CCDC178: variants seen among roughly 807,000 people sequenced by gnomAD.
The protein encoded by CCDC178 is coiled-coil domain containing 178.
In CCDC178, 126 loss-of-function variants were observed where a neutral mutation model predicts 117.4. The ratio of observed to expected loss-of-function variants is 1.07; its 90% CI spans 0.93 to 1.24. CCDC178 has a LOEUF of 1.24. CCDC178 is among the 50% of genes most tolerant of loss of function. The pLI is 0.00. For missense variants in CCDC178, 1,030 were observed against 986.9 expected (o/e 1.04, Z -0.59); for synonymous variants, 283 against 313.4 (o/e 0.90, Z 1.02).
chr18:33,046,212 C>T (rs999794154), intron 21 of CCDC178, among the ~76,000 whole-genome samples: 1 of 152,108 alleles, frequency 6.6e-6, no homozygotes, highest in Non-Finnish European at 1.5e-5. Flanking sequence ...AATGAGTGAC[C>T]TGTTTTTATA....
At chr18:33,434,468 T>C (rs906599490) in intron 2 of CCDC178, among the ~76,000 whole-genome samples, 1 of 152,266 alleles carries the variant, frequency 6.6e-6, no homozygotes, top group African/African-American at 2.4e-5. Flanking sequence ...CTAAGTAATC[T>C]AAATTAGCTT....
intron 20 of CCDC178, among the ~76,000 whole-genome samples, chr18:33,130,038 C>G (rs1421171198): frequency 6.6e-6 from 1 of 151,790 alleles, no homozygotes; most frequent in South Asian, 2.1e-4. Context: ...GAAACAGATT[C>G]ATATTTAATG....
intron 9 of CCDC178, among the ~76,000 whole-genome samples, chr18:33,335,083 G>A (rs1281412398): frequency 1.3e-5 from 2 of 151,766 alleles, no homozygotes; most frequent in African/African-American, 4.8e-5. Flanking sequence ...TCTTTCTACT[G>A]AGCCAACTTC....
intron 21 of CCDC178, among the ~76,000 whole-genome samples, chr18:33,043,911 C>G (rs2144902302): frequency 6.6e-6 from 1 of 151,660 alleles, no homozygotes; most frequent in South Asian, 2.1e-4. Flanking sequence ...AATCATATGG[C>G]ACTAGATACT....
intron 2 of CCDC178, among the ~76,000 whole-genome samples, chr18:33,420,013 A>C (rs1431009764): frequency 6.6e-6 from 1 of 152,108 alleles, no homozygotes; most frequent in Admixed American, 6.5e-5. Flanking sequence ...TTGCAACACT[A>C]TGCACAATAG....
At chr18:33,146,341 T>C (rs111435895) in intron 20 of CCDC178, among the ~76,000 whole-genome samples, 16 of 152,286 alleles carry the variant, frequency 1.1e-4, no homozygotes, top group Admixed American at 2.0e-4. Flanking sequence ...GAGAGACAAA[T>C]CCTGTTAAAA....
chr18:33,205,386 A>T (rs1449035848), intron 20 of CCDC178, among the ~76,000 whole-genome samples: 1 of 152,156 alleles, frequency 6.6e-6, no homozygotes, highest in Non-Finnish European at 1.5e-5. Flanking sequence ...GAAAAGCAGG[A>T]GTTAATAGTA....
intron 14 of CCDC178, among the ~76,000 whole-genome samples, chr18:33,254,274 AC>A (rs1346474284): frequency 2.0e-5 from 3 of 151,320 alleles, no homozygotes; most frequent in African/African-American, 7.3e-5. Flanking sequence ...ACACACACAC[AC>A]ACACACACAC....
At chr18:33,088,396 T>G (rs1035086891) in intron 21 of CCDC178, among the ~76,000 whole-genome samples, 1 of 152,186 alleles carries the variant, frequency 6.6e-6, no homozygotes, top group Admixed American at 6.5e-5. Context: ...CTTAACAATA[T>G]TGAGTCTTCC....
chr18:33,255,267 A>T (rs529039412), intron 14 of CCDC178, among the ~76,000 whole-genome samples: 3 of 152,178 alleles, frequency 2.0e-5, no homozygotes, highest in Non-Finnish European at 2.9e-5. Flanking sequence ...ACCCAGCTTC[A>T]GGTATTCTGT....
chr18:33,098,440 C>A (rs148475446), intron 20 of CCDC178, among the ~76,000 whole-genome samples: 16 of 152,126 alleles, frequency 1.1e-4, no homozygotes, highest in Non-Finnish European at 2.2e-4. Context: ...ACTCTCCTGT[C>A]CTGATGTAAC....
At chr18:33,392,704 T>C (rs1421198675) in intron 4 of CCDC178, among the ~76,000 whole-genome samples, 1 of 151,928 alleles carries the variant, frequency 6.6e-6, no homozygotes, top group African/African-American at 2.4e-5. Flanking sequence ...ATTAAAAATA[T>C]AAAATTGGAA....
At chr18:33,068,360 CA>C (rs2144987695) in intron 21 of CCDC178, among the ~76,000 whole-genome samples, 1 of 152,174 alleles carries the variant, frequency 6.6e-6, no homozygotes, top group African/African-American at 2.4e-5. Flanking sequence ...GACAAGGACA[CA>C]ACAAATAAAG....
intron 21 of CCDC178, among the ~76,000 whole-genome samples, chr18:33,017,134 T>C (rs2056008622): frequency 6.6e-6 from 1 of 151,850 alleles, no homozygotes; most frequent in Non-Finnish European, 1.5e-5. Context: ...ATAAAAGTCA[T>C]TCAGTTTGGA....
intron 12 of CCDC178, among the ~76,000 whole-genome samples, chr18:33,274,548 G>C (rs902137197): frequency 1.3e-5 from 2 of 151,804 alleles, no homozygotes; most frequent in African/African-American, 2.4e-5. Flanking sequence ...AATGTACTTA[G>C]AAAATGGAAA....
intron 20 of CCDC178, among the ~76,000 whole-genome samples, chr18:33,147,861 G>A (rs950246521): frequency 1.3e-5 from 2 of 152,174 alleles, no homozygotes; most frequent in East Asian, 1.9e-4. Flanking sequence ...ATCATGGCCC[G>A]TTCTCAATGA....
intron 6 of CCDC178, among the ~76,000 whole-genome samples, chr18:33,364,139 A>G (rs1490154555): frequency 6.6e-6 from 1 of 152,090 alleles, no homozygotes; most frequent in Non-Finnish European, 1.5e-5. Context: ...GTGTATCCAC[A>G]TGATTGGTCC....
At chr18:33,251,040 T>G (rs1270659710) in intron 14 of CCDC178, among the ~76,000 whole-genome samples, 1 of 151,670 alleles carries the variant, frequency 6.6e-6, no homozygotes, top group East Asian at 1.9e-4. Flanking sequence ...ATCCAGAATA[T>G]GACACGGAGA....
intron 22 of CCDC178, among the ~76,000 whole-genome samples, chr18:32,974,208 A>C (rs1848395041): frequency 6.6e-6 from 1 of 152,168 alleles, no homozygotes; most frequent in Admixed American, 6.5e-5. Flanking sequence ...ATTTTGCACA[A>C]AATCAGCACA....
Sources: allele counts gnomAD v4.1 joint callset (sites outside exome capture counted in the v4.1 genomes callset), GRCh38; gene constraint gnomAD v4.1.1; transcripts MANE v1.5; gene names NCBI Gene and HGNC (gene_info 2026-07-23, HGNC 2026-07-21).